Variants in TNNI3K observed in about 807,000 individuals in gnomAD.
The protein encoded by TNNI3K is serine/threonine-protein kinase TNNI3K.
TNNI3K carries 140 observed loss-of-function variants against 114.5 expected under a neutral mutation model. The ratio of observed to expected loss-of-function variants is 1.22; its 90% CI spans 1.07 to 1.41. TNNI3K has a LOEUF of 1.41. Among genes scored for constraint, TNNI3K ranks in the 40% most tolerant of loss-of-function variants. The probability of loss-of-function intolerance (pLI) is 0.00; values close to 1 mark genes in which losing one functional copy is unlikely to be tolerated. For missense variants in TNNI3K, 1,125 were observed against 1,007.6 expected (o/e 1.12, Z -1.58); for synonymous variants, 347 against 347.5 (o/e 1.00, Z 0.02).
At chr1:74,529,572 G>T (rs1396791111) in intron 23 of TNNI3K, among the ~76,000 whole-genome samples, 1 of 152,198 alleles carries the variant, frequency 6.6e-6, no homozygotes, top group East Asian at 1.9e-4. Flanking sequence ...AACTTGAATG[G>T]CGTCTGAGAG....
At chr1:74,385,701 G>T (rs765643022) in intron 17 of TNNI3K, among the ~76,000 whole-genome samples, 1 of 152,198 alleles carries the variant, frequency 6.6e-6, no homozygotes, top group Non-Finnish European at 1.5e-5. Flanking sequence ...AAGGTTAAGA[G>T]TTCAGTCCAA....
At chr1:74,417,869 T>C (rs1665205510) in intron 17 of TNNI3K, among the ~76,000 whole-genome samples, 2 of 152,032 alleles carry the variant, frequency 1.3e-5, no homozygotes, top group African/African-American at 2.4e-5. Context: ...GATTTGAAAG[T>C]TTTTAAGTAA....
chr1:74,288,959 A>G (rs187336739), intron 5 of TNNI3K, among the ~76,000 whole-genome samples: 91 of 152,190 alleles, frequency 6.0e-4, no homozygotes, highest in Non-Finnish European at 1.1e-3. Flanking sequence ...ATATAGGTAA[A>G]GCTAAAAGTT....
intron 20 of TNNI3K, among the ~76,000 whole-genome samples, chr1:74,460,480 T>G (rs1433025710): frequency 6.6e-6 from 1 of 152,256 alleles, no homozygotes; most frequent in African/African-American, 2.4e-5. Flanking sequence ...GTTATTAATA[T>G]TTTTAAATTT....
rs552405155 is a variant in TNNI3K at position 74,336,619 on chromosome 1, C to T, written c.682+470C>T. On this transcript the variant is annotated intron_variant, in intron 7 of 24. Transcript: ENST00000326637. ...TGTGGTGTTTGGTTTTTTGTTCTTG[C>T]GATAGTTTACTGAGAATGATGATTT... Among the ~76,000 whole-genome samples the T allele has an allele frequency of 1.7e-3, 250 of 150,856 alleles. 2 individuals carry two copies. The highest frequency in any genetic ancestry group is 5.2e-3 in the African/African-American group (212 of 41,052).
intron 4 of TNNI3K, among the ~76,000 whole-genome samples, chr1:74,260,701 A>G (rs1409259000): frequency 1.3e-5 from 2 of 152,132 alleles, no homozygotes; most frequent in African/African-American, 4.8e-5. Context: ...TAGAAAAATT[A>G]AAAGAAATGG....
At chr1:74,301,852 G>A (rs774124175) in intron 5 of TNNI3K, among the ~76,000 whole-genome samples, 69 of 152,120 alleles carry the variant, frequency 4.5e-4, no homozygotes, top group Non-Finnish European at 7.5e-4. Context: ...ATCTGTCAGA[G>A]GAACCTTGGA....
intron 6 of TNNI3K, among the ~76,000 whole-genome samples, chr1:74,332,976 A>AAAAAG (rs57556485): frequency 4.4e-5 from 4 of 90,748 alleles, no homozygotes; most frequent in Non-Finnish European, 6.8e-5. Flanking sequence ...AAAAAAAAAA[A>AAAAAG]AGAGAGAGAC....
Position 74,257,663 on chromosome 1 carries a change from C to CTTTT in TNNI3K, c.333+6914_333+6917dup, listed in dbSNP as rs66853287. On this transcript the variant is annotated intron_variant, in intron 4 of 24. Coordinates refer to ENST00000326637, the MANE Select transcript of TNNI3K (RefSeq NM_015978.3). ...TTGAACTTAGCCTCTTGGCTTACCT[C>CTTTT]TTTTTTTTTTTTTTTTTTTTTTTGA... Among the ~76,000 whole-genome samples, 346 of 87,184 alleles carry CTTTT rather than the reference C, an allele frequency of 4.0e-3. 7 individuals are homozygous for CTTTT. Among genetic ancestry groups the CTTTT allele is most frequent in the African/African-American group, 0.012 (220 of 18,614 alleles). The allele number at this position is 87,184 out of a possible 152,430, so 57.2% of individuals were successfully genotyped here. A position where few individuals can be genotyped will look rare whatever the true frequency, so the allele number is the denominator to read the frequency against.
At chr1:74,247,791 A>T (rs1236527206) in intron 2 of TNNI3K, among the ~76,000 whole-genome samples, 1 of 152,180 alleles carries the variant, frequency 6.6e-6, no homozygotes, top group Non-Finnish European at 1.5e-5. Flanking sequence ...AGCTAGACAT[A>T]AAAGTTCTCC....
intron 17 of TNNI3K, among the ~76,000 whole-genome samples, chr1:74,408,490 G>C (rs1028599747): frequency 1.3e-5 from 2 of 152,180 alleles, no homozygotes; most frequent in African/African-American, 2.4e-5. Context: ...AAACAATGTG[G>C]TTCCTGCACT....
rs143864029 is a variant in TNNI3K, at chr1:74,528,251, G to A, written c.2352-11983G>A. Among the ~76,000 whole-genome samples the A allele has an allele frequency of 3.9e-3, 595 of 152,284 alleles. 5 individuals are homozygous for A. Among genetic ancestry groups the A allele is most frequent in the Middle Eastern group, 0.014 (4 of 294 alleles). On this transcript the variant is annotated intron_variant, in intron 23 of 24. Coordinates refer to ENST00000326637, the MANE Select transcript of TNNI3K (RefSeq NM_015978.3). The stretch of plus-strand genomic sequence containing the variant: ...CATAAGGGTGGTGAAGAAGGTGTAC[G>A]TGTGGGCAGGCAGCCCAGTGCAAGG...
chr1:74,419,372 T>G (rs1348585226), intron 17 of TNNI3K, among the ~76,000 whole-genome samples: 1 of 152,142 alleles, frequency 6.6e-6, no homozygotes, highest in Non-Finnish European at 1.5e-5. Flanking sequence ...TATAAAAACC[T>G]TTTATCCAAA....
intron 24 of TNNI3K, 59 bp downstream of exon 24, chr1:74,540,372 A>C (rs1646712238): frequency 6.5e-7 from 1 of 1,530,924 alleles, no homozygotes; most frequent in Non-Finnish European, 8.9e-7. Flanking sequence ...GGTGATGTCT[A>C]TTTGACAAAA....
At chr1:74,398,609 G>A (rs1406314526) in intron 17 of TNNI3K, among the ~76,000 whole-genome samples, 2 of 152,160 alleles carry the variant, frequency 1.3e-5, no homozygotes, top group Non-Finnish European at 2.9e-5. Flanking sequence ...TCTCAGGCTG[G>A]GTGGAGGCCT....
intron 17 of TNNI3K, among the ~76,000 whole-genome samples, chr1:74,411,767 T>C (rs903547918): frequency 4.6e-5 from 7 of 152,176 alleles, no homozygotes; most frequent in Non-Finnish European, 1.0e-4. Flanking sequence ...TAAGGAGATA[T>C]TAACATTTAA....
At chr1:74,459,763 A>T (rs1667370338) in intron 20 of TNNI3K, among the ~76,000 whole-genome samples, 1 of 152,186 alleles carries the variant, frequency 6.6e-6, no homozygotes, top group Non-Finnish European at 1.5e-5. Context: ...AACAACATAC[A>T]CAATCTCCAT....
chr1:74,533,700 G>A (rs1401757391), intron 23 of TNNI3K, among the ~76,000 whole-genome samples: 2 of 151,564 alleles, frequency 1.3e-5, no homozygotes, highest in Non-Finnish European at 2.9e-5. Context: ...AAGAAAATGT[G>A]GCACATATAC....
chr1:74,254,265 A>G (rs192117446), intron 4 of TNNI3K, among the ~76,000 whole-genome samples: 78 of 152,290 alleles, frequency 5.1e-4, no homozygotes, highest in African/African-American at 1.9e-3. Context: ...CATAACTCCA[A>G]TGCAATTATA....
Sources: gnomAD v4.1 joint callset for allele counts (sites outside exome capture counted in the v4.1 genomes callset) on GRCh38, gnomAD v4.1.1 for gene constraint, MANE v1.5 for transcripts, NCBI Gene and HGNC (gene_info 2026-07-23, HGNC 2026-07-21) for gene names.